NEDD8: variants seen among roughly 807,000 people sequenced by gnomAD.
NEDD8 encodes ubiquitin-like protein NEDD8.
In NEDD8, 1 loss-of-function variant was observed where a neutral mutation model predicts 13.8. The observed-to-expected ratio is 0.07, with a 90% CI of 0.03 to 0.34. The LOEUF (loss-of-function observed/expected upper bound fraction) is 0.34, where lower values mean the gene tolerates loss of function less well. Among genes scored for constraint, NEDD8 ranks in the 10% least tolerant of loss-of-function variants. NEDD8 has a pLI of 0.99. For missense variants in NEDD8, 10 were observed against 95.2 expected (o/e 0.10, Z 3.73); for synonymous variants, 31 against 33.2 (o/e 0.93, Z 0.23).
intron 1 of NEDD8, chr14:24,226,837 T>A (rs1594491666): frequency 6.6e-6 from 1 of 152,208 alleles, no homozygotes; most frequent in East Asian, 1.9e-4. Flanking sequence ...TTCTTAGGTA[T>A]TTATCCAAAG....
chr14:24,227,480 T>C (rs1566668773), intron 1 of NEDD8: 1 of 152,074 alleles, frequency 6.6e-6, no homozygotes, highest in East Asian at 1.9e-4. Context: ...AACATATAAA[T>C]GAGTAAGACC....
Position 24,218,370 on chromosome 14 carries a change from T to G in NEDD8, c.66+14A>C. ...TGGCAAGAAGTACATGAAGAGGAGT[T>G]GGGCATGCATCACCTTGTCTGTAGG... On this transcript the variant is annotated intron_variant, in intron 2 of 3. Transcript: ENST00000250495. The G allele has an allele frequency of 6.2e-7, 1 of 1,614,202 alleles. No individual in the cohort carries two copies. The highest frequency in any genetic ancestry group is 8.5e-7 in the Non-Finnish European group (1 of 1,180,028).
intron 1 of NEDD8, 135 bp downstream of exon 1, chr14:24,232,115 C>A: frequency 1.4e-6 from 2 of 1,405,786 alleles, no homozygotes; most frequent in Non-Finnish European, 1.9e-6. Flanking sequence ...TCCCACCACC[C>A]CTCGCGCGGA....
chr14:24,219,687 G>C (rs148551701), intron 1 of NEDD8, among the ~76,000 whole-genome samples: 1 of 152,154 alleles, frequency 6.6e-6, no homozygotes, highest in African/African-American at 2.4e-5. Context: ...TCTCCCATCT[G>C]TCCTTGCTCT....
At chr14:24,223,085 CAA>C (rs71426836) in intron 1 of NEDD8, among the ~76,000 whole-genome samples, 1,711 of 75,538 alleles carry the variant, frequency 0.023, 27 homozygotes, top group African/African-American at 0.079. Context: ...GACTGCATTT[CAA>C]AAAAAAAAAA....
At chr14:24,223,161 G>A (rs1698040622) in intron 1 of NEDD8, among the ~76,000 whole-genome samples, 1 of 151,728 alleles carries the variant, frequency 6.6e-6, no homozygotes, top group South Asian at 2.1e-4. Context: ...CAACACTTTG[G>A]GAAGGGGATG....
Position 24,232,241 on chromosome 14 carries a change from T to C in NEDD8, c.18+9A>G, listed in dbSNP as rs769588288. The stretch of plus-strand genomic sequence containing the variant: ...TACTGCGTCTTGGCAAGGCTGGAGG[T>C]GCTCCCACCTTCACTTTAATTAGCA... On this transcript the variant is annotated intron_variant, in intron 1 of 3. Transcript: ENST00000250495. The C allele has an allele frequency of 3.7e-6, 6 of 1,613,906 alleles. No individual in the cohort carries two copies. The highest frequency in any genetic ancestry group is 3.4e-6 in the Non-Finnish European group (4 of 1,179,952).
At chr14:24,217,586 G>A (rs960828688) in intron 3 of NEDD8, 22 of 200,006 alleles carry the variant, frequency 1.1e-4, no homozygotes, top group African/African-American at 1.9e-4. Flanking sequence ...CACTGCGCCC[G>A]GCCAGAACAG....
chr14:24,218,758 A>G, intron 1 of NEDD8: 1 of 365,728 alleles, frequency 2.7e-6, no homozygotes, highest in Non-Finnish European at 5.1e-6. Flanking sequence ...TTATTTATTT[A>G]TTTTTGAGAT....
chr14:24,232,128 C>G (rs2040051180), intron 1 of NEDD8, 122 bp downstream of exon 1: 5 of 1,523,746 alleles, frequency 3.3e-6, no homozygotes, highest in Non-Finnish European at 4.5e-6. Context: ...CGCGCGGAGC[C>G]CTGAGGCAGT....
At chr14:24,219,391 G>C (rs764059347) in intron 1 of NEDD8, among the ~76,000 whole-genome samples, 1 of 148,142 alleles carries the variant, frequency 6.8e-6, no homozygotes, top group Non-Finnish European at 1.5e-5. Context: ...GCTGAGGTGG[G>C]AGGATCACTT....
intron 1 of NEDD8, among the ~76,000 whole-genome samples, chr14:24,224,311 G>A (rs1355737508): frequency 1.3e-5 from 2 of 152,038 alleles, no homozygotes; most frequent in African/African-American, 4.8e-5. Flanking sequence ...TGATCCACCC[G>A]CCTCGGCCTC....
chr14:24,223,505 C>T (rs1250570514), intron 1 of NEDD8, among the ~76,000 whole-genome samples: 2 of 152,098 alleles, frequency 1.3e-5, no homozygotes, highest in Admixed American at 6.5e-5. Flanking sequence ...TAGATTTATA[C>T]ACCCAACTTG....
chr14:24,220,363 G>A (rs536023259), intron 1 of NEDD8, among the ~76,000 whole-genome samples: 58 of 152,024 alleles, frequency 3.8e-4, no homozygotes, highest in Non-Finnish European at 6.8e-4. Context: ...ACTGTATCAA[G>A]CAGGCTGGAG....
Position 24,218,378 on chromosome 14 carries a change from C to T in NEDD8, c.66+6G>A, listed in dbSNP as rs368540879. On this transcript the variant is annotated splice_donor_region_variant and intron_variant, in intron 2 of 3. Coordinates refer to ENST00000250495, the MANE Select transcript of NEDD8 (RefSeq NM_006156.3). ...AGTACATGAAGAGGAGTTGGGCATGCATCACCTTGTCTGTAGGTTCAATGT... is the reference window on the plus strand; with the variant it reads ...AGTACATGAAGAGGAGTTGGGCATGTATCACCTTGTCTGTAGGTTCAATGT... 2.5e-6 allele frequency: 4 copies of T among 1,614,222 alleles called. No homozygotes were observed. The highest frequency in any genetic ancestry group is 3.4e-6 in the Non-Finnish European group (4 of 1,180,054).
intron 1 of NEDD8, chr14:24,231,578 C>T (rs1245410730): frequency 6.6e-6 from 1 of 151,722 alleles, no homozygotes; most frequent in African/African-American, 2.4e-5. Flanking sequence ...TGGTGAAGAA[C>T]CACCACGGGA....
At chr14:24,222,860 G>A (rs1488007637) in intron 1 of NEDD8, among the ~76,000 whole-genome samples, 1 of 151,968 alleles carries the variant, frequency 6.6e-6, no homozygotes. Flanking sequence ...AGGCCGAGGG[G>A]GCGGATCACG....
At chr14:24,219,900 G>A (rs1281368313) in intron 1 of NEDD8, among the ~76,000 whole-genome samples, 1 of 152,210 alleles carries the variant, frequency 6.6e-6, no homozygotes, top group Non-Finnish European at 1.5e-5. Context: ...AGCACTTTGG[G>A]AAGCTGAGGT....
chr14:24,232,359 G>A lies in NEDD8; in HGVS notation c.-92C>T. 4 of 1,386,988 alleles carry A rather than the reference G, an allele frequency of 2.9e-6. No individual in the cohort carries two copies. Among genetic ancestry groups the A allele is most frequent in the Non-Finnish European group, 4.0e-6 (4 of 1,006,398 alleles). 85.9% of individuals were successfully genotyped at this position (1,386,988 alleles called of 1,614,324 possible). A position where few individuals can be genotyped will look rare whatever the true frequency, so the allele number is the denominator to read the frequency against. On this transcript the variant is annotated 5_prime_UTR_variant, in exon 1 of 4. Coordinates refer to ENST00000250495, the MANE Select transcript of NEDD8 (RefSeq NM_006156.3). ...CCCTCCAGCACTCTTGCCTGCAAGGGCCACTTCTACTTCCGGGTCACTGTC... is the reference window on the plus strand; with the variant it reads ...CCCTCCAGCACTCTTGCCTGCAAGGACCACTTCTACTTCCGGGTCACTGTC...
Sources: allele counts gnomAD v4.1 joint callset (sites outside exome capture counted in the v4.1 genomes callset), GRCh38; gene constraint gnomAD v4.1.1; transcripts MANE v1.5; gene names NCBI Gene and HGNC (gene_info 2026-07-23, HGNC 2026-07-21).